CTNND2: variants seen among roughly 807,000 people sequenced by gnomAD.
CTNND2 encodes catenin delta 2.
CTNND2 carries 22 observed loss-of-function variants against 144.4 expected under a neutral mutation model. The ratio of observed to expected loss-of-function variants is 0.15; its 90% CI spans 0.11 to 0.22. The LOEUF is 0.22. Among genes scored for constraint, CTNND2 ranks in the 10% least tolerant of loss-of-function variants. CTNND2 has a pLI of 1.00. For missense variants in CTNND2, 1,353 were observed against 1,618.8 expected (o/e 0.84, Z 2.82); for synonymous variants, 751 against 695.6 (o/e 1.08, Z -1.25).
chr5:11,576,376 A>T (rs982001997), intron 2 of CTNND2, among the ~76,000 whole-genome samples: 1 of 150,788 alleles, frequency 6.6e-6, no homozygotes, highest in Non-Finnish European at 1.5e-5. Context: ...TATAAAATAT[A>T]GTTAAATTAC....
chr5:11,151,306 C>G (rs1048366130), intron 12 of CTNND2, among the ~76,000 whole-genome samples: 7 of 152,074 alleles, frequency 4.6e-5, no homozygotes, highest in African/African-American at 1.7e-4. Flanking sequence ...ACTTCTTATG[C>G]AATGTAATGT....
chr5:11,687,182 C>G (rs550555806), intron 2 of CTNND2, among the ~76,000 whole-genome samples: 4 of 152,152 alleles, frequency 2.6e-5, no homozygotes, highest in African/African-American at 4.8e-5. Context: ...ATTCTTCATG[C>G]GATTTCCGGA....
rs529859974 is a variant in CTNND2, at chr5:10,983,504, C to T, written c.3344-1658G>A. Among the ~76,000 whole-genome samples the T allele has an allele frequency of 2.6e-5, 4 of 152,318 alleles. No individual in the cohort carries two copies. In the South Asian group the frequency reaches 8.3e-4, roughly 32 times the overall value. ...TGATTTTTTACCTAAGAGTTCACTA[C>T]AGCTGTGCAATAAAATTCCTCCTGG... On this transcript the variant is annotated intron_variant, in intron 20 of 21. Transcript: ENST00000304623.
intron 2 of CTNND2, among the ~76,000 whole-genome samples, chr5:11,613,267 GCTT>G (rs775833228): frequency 1.3e-5 from 2 of 151,374 alleles, no homozygotes; most frequent in African/African-American, 4.8e-5. Flanking sequence ...GGCTTACCTG[GCTT>G]CTTCTCCATA....
intron 1 of CTNND2, among the ~76,000 whole-genome samples, chr5:11,740,486 T>C (rs1787939030): frequency 2.0e-5 from 3 of 152,146 alleles, no homozygotes; most frequent in Non-Finnish European, 4.4e-5. Context: ...TGGCTAGCCA[T>C]ATGTAGAAAG....
At chr5:11,201,318 G>A (rs966861261) in intron 10 of CTNND2, among the ~76,000 whole-genome samples, 3 of 152,136 alleles carry the variant, frequency 2.0e-5, no homozygotes, top group South Asian at 2.1e-4. Flanking sequence ...TACTTGCTAC[G>A]TTGGTGTTGC....
At position 11,117,523 on chromosome 5, in the gene CTNND2, T is replaced by G. The variant is rs1471667947; in HGVS notation, c.2204A>C (p.Glu735Ala). ...AGEEARRRMRECDGLTDALLY... is the reference protein window; with the variant it reads ...AGEEARRRMRACDGLTDALLY... The stretch of plus-strand genomic sequence containing the variant: ...CAAGGCATCCGTAAGCCCATCACAC[T>G]CTCTCATCCTTCTGCGGGCCTCCTC... The change falls in exon 13 of 22, where the codon GAG becomes GCG. Residue 735 changes from glutamate (E) to alanine (A), a missense_variant. Physicochemically the swap from Glu to Ala is moderately radical, Grantham distance 107. This residue lies in a region of CTNND2 where 459 missense variants were observed against 674.3 expected (regional missense o/e 0.68). Transcript: ENST00000304623. 1.2e-6 allele frequency: 2 copies of G among 1,614,086 alleles called. No individual in the cohort carries two copies.
chr5:10,993,679 A>C (rs927194467), intron 18 of CTNND2, among the ~76,000 whole-genome samples: 1 of 152,114 alleles, frequency 6.6e-6, no homozygotes, highest in Non-Finnish European at 1.5e-5. Flanking sequence ...GAATCTTGCC[A>C]CACAGTTAGC....
Position 11,368,209 on chromosome 5 carries a change from G to GC in CTNND2, c.1178-3320dup, listed in dbSNP as rs941884648. Among the ~76,000 whole-genome samples, 52 of 152,132 alleles carry GC rather than the reference G, an allele frequency of 3.4e-4. 1 individual carries two copies. Among genetic ancestry groups the GC allele is most frequent in the African/African-American group, 1.2e-3 (51 of 41,424 alleles). On this transcript the variant is annotated intron_variant, in intron 7 of 21. Coordinates refer to ENST00000304623, the MANE Select transcript of CTNND2 (RefSeq NM_001332.4). ...GGTGCTGCTCCTATAGGTTCAGAGA[G>GC]CCCCCCAAAACTGGGAAGGGCTTTC...
Position 11,754,275 on chromosome 5 carries a change from T to C in CTNND2, c.38-22003A>G, listed in dbSNP as rs1000276570. Among the ~76,000 whole-genome samples, 4 of 151,768 alleles carry C rather than the reference T, an allele frequency of 2.6e-5. No individual in the cohort carries two copies. The East Asian group carries it at 5.8e-4, about 22-fold the overall frequency. Reference sequence around the variant, plus strand: ...CTAGGTGTGATGTTAGGTTGTGAATTTGAGATCTTTCTAACTTTTTTTTAT... The same window carrying C: ...CTAGGTGTGATGTTAGGTTGTGAATCTGAGATCTTTCTAACTTTTTTTTAT... On this transcript the variant is annotated intron_variant, in intron 1 of 21. Coordinates refer to ENST00000304623, the MANE Select transcript of CTNND2 (RefSeq NM_001332.4).
intron 20 of CTNND2, among the ~76,000 whole-genome samples, chr5:10,987,212 T>C (rs1738090103): frequency 6.6e-6 from 1 of 152,188 alleles, no homozygotes; most frequent in Admixed American, 6.5e-5. Context: ...TCCTGCTTCT[T>C]GGAGGAGGGC....
rs183497086 is a variant in CTNND2 at position 11,301,238 on chromosome 5, C to T, written c.1628+45134G>A. On this transcript the variant is annotated intron_variant, in intron 9 of 21. Transcript: ENST00000304623. Reference sequence around the variant, plus strand: ...TTCACTATGTTGGCCAGGCTGGTCTCGGACTCCTGACCTCGTGAGTTGCCC... The same window carrying T: ...TTCACTATGTTGGCCAGGCTGGTCTTGGACTCCTGACCTCGTGAGTTGCCC... 9.9e-5 allele frequency among the ~76,000 whole-genome samples: 15 copies of T among 152,152 alleles called. No individual in the cohort carries two copies. In the East Asian group the frequency reaches 1.9e-3, roughly 20 times the overall value.
intron 1 of CTNND2, among the ~76,000 whole-genome samples, chr5:11,734,320 C>T (rs1355797464): frequency 1.3e-5 from 2 of 152,260 alleles, no homozygotes; most frequent in African/African-American, 4.8e-5. Context: ...CCCAACAAAT[C>T]TCATCTTGAA....
chr5:11,470,799 TC>T (rs1767112727), intron 3 of CTNND2, among the ~76,000 whole-genome samples: 1 of 151,750 alleles, frequency 6.6e-6, no homozygotes, highest in Non-Finnish European at 1.5e-5. Context: ...CTGAGATTTT[TC>T]TCGTGATCTC....
At chr5:11,782,858 C>T (rs542692572) in intron 1 of CTNND2, among the ~76,000 whole-genome samples, 4 of 152,030 alleles carry the variant, frequency 2.6e-5, no homozygotes, top group Non-Finnish European at 5.9e-5. Context: ...TTTCAGGGAC[C>T]GAGTAAATAA....
At chr5:11,758,627 T>G (rs923375376) in intron 1 of CTNND2, among the ~76,000 whole-genome samples, 2 of 152,066 alleles carry the variant, frequency 1.3e-5, no homozygotes, top group African/African-American at 4.8e-5. Flanking sequence ...AAGCTGTAAT[T>G]TCTCTGTGTT....
intron 3 of CTNND2, among the ~76,000 whole-genome samples, chr5:11,428,276 A>G (rs542919894): frequency 7.2e-5 from 11 of 152,302 alleles, no homozygotes; most frequent in African/African-American, 2.2e-4. Flanking sequence ...CCAAAATCTG[A>G]CCATCAGCAA....
chr5:11,727,640 A>C (rs545551054), intron 2 of CTNND2, among the ~76,000 whole-genome samples: 14 of 152,334 alleles, frequency 9.2e-5, no homozygotes, highest in African/African-American at 3.1e-4. Context: ...TATGCTATGG[A>C]TAATTCTTCC....
At position 11,619,345 on chromosome 5, in the gene CTNND2, T is replaced by G. The variant is rs987093039; in HGVS notation, c.175-54289A>C. Among the ~76,000 whole-genome samples, 38 of 152,272 alleles carry G rather than the reference T, an allele frequency of 2.5e-4. 1 individual carries two copies. Among genetic ancestry groups the G allele is most frequent in the Admixed American group, 1.8e-3 (28 of 15,294 alleles). On this transcript the variant is annotated intron_variant, in intron 2 of 21. Coordinates refer to ENST00000304623, the MANE Select transcript of CTNND2 (RefSeq NM_001332.4). ...ATCACTTGAACCCGGCAGGCAGAGG[T>G]TGCATTGAGCTGAGATCATGCCACT...
Sources: gnomAD v4.1 joint callset for allele counts (sites outside exome capture counted in the v4.1 genomes callset) on GRCh38, gnomAD v4.1.1 for gene constraint, gnomAD v4.1.1 regional missense constraint, MANE v1.5 for transcripts, NCBI Gene and HGNC (gene_info 2026-07-23, HGNC 2026-07-21) for gene names.